THRB: variants seen among roughly 807,000 people sequenced by gnomAD.
THRB encodes the protein thyroid hormone receptor beta.
THRB carries 12 observed loss-of-function variants against 47.8 expected under a neutral mutation model. That is an observed-to-expected ratio of 0.25 (90% CI 0.16 to 0.41). The LOEUF is 0.41. Ranked by LOEUF, THRB falls within the 10% of genes least tolerant of loss-of-function variation. The probability of loss-of-function intolerance (pLI) is 1.00; values close to 1 mark genes in which losing one functional copy is unlikely to be tolerated. For synonymous variants in THRB, 218 were observed against 212.2 expected, an observed-to-expected ratio of 1.03 and a Z score of -0.24; for missense variants, 348 against 589.2, an observed-to-expected ratio of 0.59 and a Z score of 4.24.
At chr3:24,281,480 A>G (rs377324278) in intron 3 of THRB, among the ~76,000 whole-genome samples, 1 of 152,134 alleles carries the variant, frequency 6.6e-6, no homozygotes, top group Non-Finnish European at 1.5e-5. Flanking sequence ...CTGCAAAATC[A>G]TGCCAAAATG....
chr3:24,325,046 T>C (rs1159496348), intron 2 of THRB, among the ~76,000 whole-genome samples: 1 of 152,254 alleles, frequency 6.6e-6, no homozygotes, highest in African/African-American at 2.4e-5. Context: ...AGACTGTGTA[T>C]TAAATTCTTG....
At chr3:24,377,100 G>C (rs1171115779) in intron 1 of THRB, among the ~76,000 whole-genome samples, 2 of 151,958 alleles carry the variant, frequency 1.3e-5, no homozygotes, top group Non-Finnish European at 2.9e-5. Flanking sequence ...ACCACACTTT[G>C]CTAATTTATT....
chr3:24,180,561 C>T (rs2041765610), intron 5 of THRB, among the ~76,000 whole-genome samples: 1 of 152,206 alleles, frequency 6.6e-6, no homozygotes, highest in East Asian at 1.9e-4. Context: ...TGGAGAATAG[C>T]TCTGGACCTT....
intron 3 of THRB, among the ~76,000 whole-genome samples, chr3:24,258,960 T>C (rs1169215142): frequency 6.6e-6 from 1 of 152,122 alleles, no homozygotes; most frequent in African/African-American, 2.4e-5. Flanking sequence ...ATTCAGTCCT[T>C]ATTTTTAGAT....
chr3:24,139,690 C>T (rs2035187602), intron 8 of THRB, among the ~76,000 whole-genome samples: 1 of 152,188 alleles, frequency 6.6e-6, no homozygotes, highest in African/African-American at 2.4e-5. Context: ...CCAGCCCTGT[C>T]TCTATTTCTG....
At chr3:24,425,273 A>G (rs2069645028) in intron 1 of THRB, among the ~76,000 whole-genome samples, 1 of 151,872 alleles carries the variant, frequency 6.6e-6, no homozygotes, top group African/African-American at 2.4e-5. Flanking sequence ...AGTTCTTGCT[A>G]TATATTACTA....
intron 2 of THRB, among the ~76,000 whole-genome samples, chr3:24,298,719 T>C (rs1309464809): frequency 1.3e-5 from 2 of 152,198 alleles, no homozygotes; most frequent in Non-Finnish European, 2.9e-5. Flanking sequence ...TTGCCAAGAT[T>C]TGGCCTCATG....
chr3:24,328,375 C>T (rs1576876796), intron 2 of THRB, among the ~76,000 whole-genome samples: 1 of 152,090 alleles, frequency 6.6e-6, no homozygotes, highest in East Asian at 1.9e-4. Flanking sequence ...AAGTCTGCAG[C>T]CCAGGAAATA....
chr3:24,452,464 G>A (rs2072755657), intron 1 of THRB, among the ~76,000 whole-genome samples: 1 of 152,100 alleles, frequency 6.6e-6, no homozygotes, highest in African/African-American at 2.4e-5. Flanking sequence ...GAGAAGGGGA[G>A]AAGTGTCCAA....
At chr3:24,475,684 G>A (rs1695348032) in intron 1 of THRB, among the ~76,000 whole-genome samples, 2 of 152,220 alleles carry the variant, frequency 1.3e-5, no homozygotes, top group East Asian at 1.9e-4. Flanking sequence ...ATGCCTAGGC[G>A]AGAACACCAG....
chr3:24,366,862 A>AC (rs1181811840), intron 1 of THRB, among the ~76,000 whole-genome samples: 1 of 151,718 alleles, frequency 6.6e-6, no homozygotes, highest in Non-Finnish European at 1.5e-5. Context: ...CTTTTGATCC[A>AC]CCCACCCACT....
chr3:24,143,022 A>G (rs913093309), intron 8 of THRB, among the ~76,000 whole-genome samples: 4 of 152,166 alleles, frequency 2.6e-5, no homozygotes, highest in Non-Finnish European at 5.9e-5. Context: ...TCTTGAGTCA[A>G]GCTCATTTAA....
At chr3:24,353,011 C>G (rs115228536) in intron 1 of THRB, among the ~76,000 whole-genome samples, 1 of 151,864 alleles carries the variant, frequency 6.6e-6, no homozygotes, top group African/African-American at 2.4e-5. Context: ...AAAATTTTGT[C>G]GATTTTCTCT....
chr3:24,246,060 C>A (rs1260025352), intron 3 of THRB, among the ~76,000 whole-genome samples: 1 of 152,160 alleles, frequency 6.6e-6, no homozygotes, highest in Non-Finnish European at 1.5e-5. Context: ...GTTTTAATAT[C>A]ATTTGTACAT....
At chr3:24,222,614 G>A (rs1015077290) in intron 4 of THRB, among the ~76,000 whole-genome samples, 1 of 152,192 alleles carries the variant, frequency 6.6e-6, no homozygotes, top group African/African-American at 2.4e-5. Context: ...CTTTCTGTGT[G>A]ATGTGTGTAA....
At position 24,258,971 on chromosome 3, in the gene THRB, G is replaced by T. The variant is rs191563494; in HGVS notation, c.-42-29970C>A. Among the ~76,000 whole-genome samples the T allele has an allele frequency of 2.0e-5, 3 of 152,242 alleles. No individual in the cohort carries two copies. The East Asian group carries it at 5.8e-4, about 29-fold the overall frequency. ...CTTGATTCAGTCCTTATTTTTAGATGTGGAAATGGAAAATTAAATGGCTTG... is the reference window on the plus strand; with the variant it reads ...CTTGATTCAGTCCTTATTTTTAGATTTGGAAATGGAAAATTAAATGGCTTG... On this transcript the variant is annotated intron_variant, in intron 3 of 10. Coordinates refer to ENST00000646209, the MANE Select transcript of THRB (RefSeq NM_001354712.2).
chr3:24,440,867 T>G (rs1366295742), intron 1 of THRB, among the ~76,000 whole-genome samples: 1 of 152,292 alleles, frequency 6.6e-6, no homozygotes, highest in South Asian at 2.1e-4. Context: ...TATTGCTGCA[T>G]GACAAATTCC....
intron 1 of THRB, among the ~76,000 whole-genome samples, chr3:24,435,364 T>C (rs188748747): frequency 5.3e-5 from 8 of 152,028 alleles, no homozygotes; most frequent in Admixed American, 5.2e-4. Context: ...CACAGGAGAT[T>C]AAAAAGGATG....
chr3:24,360,461 T>C (rs2063981489), intron 1 of THRB, among the ~76,000 whole-genome samples: 1 of 152,152 alleles, frequency 6.6e-6, no homozygotes, highest in South Asian at 2.1e-4. Context: ...CATATTAACA[T>C]TAAAGTTTTT....
Sources: gnomAD v4.1 joint callset for allele counts (sites outside exome capture counted in the v4.1 genomes callset) on GRCh38, gnomAD v4.1.1 for gene constraint, MANE v1.5 for transcripts, NCBI Gene and HGNC (gene_info 2026-07-23, HGNC 2026-07-21) for gene names.